The following SEM1 variants were observed in gnomAD, a reference collection of about 807,000 sequenced individuals.
The protein encoded by SEM1 is SEM1 26S proteasome subunit.
In SEM1, 3 loss-of-function variants were observed where a neutral mutation model predicts 12.7. The observed-to-expected ratio is 0.24, with a 90% CI of 0.11 to 0.61. The LOEUF is 0.61. Among genes scored for constraint, SEM1 ranks in the 20% least tolerant of loss-of-function variants. The pLI is 0.88. For missense variants in SEM1, 59 were observed against 81.3 expected (o/e 0.73, Z 1.06); for synonymous variants, 30 against 27.8 (o/e 1.08, Z -0.25).
rs571502857 is a variant in SEM1 at position 96,581,583 on chromosome 7, T to C, written c.171-74885A>G. Among the ~76,000 whole-genome samples, 273 of 152,350 alleles carry C rather than the reference T, an allele frequency of 1.8e-3. 1 individual carries two copies. The highest frequency in any genetic ancestry group is 6.4e-3 in the African/African-American group (265 of 41,580). ...GGGCAGTATGGCCATTTTCATGATA[T>C]TGATTCTTCCTACCCATGAGCATGG... On this transcript the variant is annotated intron_variant and NMD_transcript_variant, in intron 2 of 3. Transcript: ENST00000466986.
rs1009726965 is a variant in SEM1, at chr7:96,709,814, C to G, written c.-51G>C. On this transcript the variant is annotated 5_prime_UTR_variant, in exon 1 of 3. Transcript: ENST00000248566. ...CCAGATAAGCAGAAAAGTTGGAACC[C>G]TCACTCTTCCTCAAGGAAACGCCAC... 3.8e-6 allele frequency: 6 copies of G among 1,563,512 alleles called. No homozygotes were observed. Among genetic ancestry groups the G allele is most frequent in the Admixed American group, 1.7e-5 (1 of 59,624 alleles).
At chr7:96,703,365 T>C (rs1312965441) in intron 1 of SEM1, among the ~76,000 whole-genome samples, 2 of 152,232 alleles carry the variant, frequency 1.3e-5, no homozygotes, top group African/African-American at 2.4e-5. Context: ...TCAGGAGTGA[T>C]GGCCATCAGG....
chr7:96,518,650 G>A (rs1804172975), intron 2 of SEM1, among the ~76,000 whole-genome samples: 1 of 152,088 alleles, frequency 6.6e-6, no homozygotes, highest in Non-Finnish European at 1.5e-5. Flanking sequence ...AGTTTCCCAA[G>A]CAGACTGCCT....
chr7:96,532,636 C>G lies in SEM1; in HGVS notation c.171-25938G>C, dbSNP rs1231765203. 1.3e-5 allele frequency among the ~76,000 whole-genome samples: 2 copies of G among 152,082 alleles called. 1 individual carries two copies. The highest frequency in any genetic ancestry group is 4.8e-5 in the African/African-American group (2 of 41,434). ...CTTGCACCTGCATGAGGCTGTCTTC[C>G]ATAACATGCTTAGCCAGGGTGTAGT... is the stretch of plus-strand genomic sequence containing the variant. On this transcript the variant is annotated intron_variant and NMD_transcript_variant, in intron 2 of 3. Transcript: ENST00000466986.
intron 2 of SEM1, among the ~76,000 whole-genome samples, chr7:96,553,104 A>G (rs1030878604): frequency 2.2e-4 from 34 of 152,198 alleles, no homozygotes; most frequent in African/African-American, 8.2e-4. Flanking sequence ...AGCCCTTGTC[A>G]GATGAGTAGG....
At chr7:96,548,898 CTCAGAA>C (rs1805182348) in intron 2 of SEM1, among the ~76,000 whole-genome samples, 1 of 152,138 alleles carries the variant, frequency 6.6e-6, no homozygotes, top group Non-Finnish European at 1.5e-5. Flanking sequence ...ATGGGGTTTA[CTCAGAA>C]CCTTAGCACA....
chr7:96,496,959 G>A (rs570460023), upstream of SEM1, among the ~76,000 whole-genome samples: 17 of 151,850 alleles, frequency 1.1e-4, no homozygotes, highest in African/African-American at 3.9e-4. Flanking sequence ...GCATGTGTGC[G>A]TATTCTTCCT....
At chr7:96,522,172 A>C (rs1450715318) in intron 2 of SEM1, among the ~76,000 whole-genome samples, 1 of 152,134 alleles carries the variant, frequency 6.6e-6, no homozygotes, top group Non-Finnish European at 1.5e-5. Flanking sequence ...CATCACGTGT[A>C]GTTCCTGGGA....
Position 96,694,872 on chromosome 7 carries a change from T to G in SEM1, c.96A>C (p.Glu32Asp). The change falls in exon 2 of 3, where the codon GAA (glutamate) becomes GAC (aspartate). Residue 32 changes from glutamate (E) to aspartate (D), a missense_variant. Transcript: ENST00000248566. ...FPAEDWAGLD[E>D]DEDAHVWEDN... ...CCTCCCAGACATGTGCATCTTCATC[T>G]TCATCTAAGCCAGCCCAGTCTAAAA... is the stretch of plus-strand genomic sequence containing the variant. 1 of 1,609,492 alleles carries G rather than the reference T, an allele frequency of 6.2e-7. No individual in the cohort carries two copies. The highest frequency in any genetic ancestry group is 8.5e-7 in the Non-Finnish European group (1 of 1,176,382).
At chr7:96,692,943 G>C (rs868129452) in intron 2 of SEM1, among the ~76,000 whole-genome samples, 3 of 151,920 alleles carry the variant, frequency 2.0e-5, no homozygotes, top group South Asian at 4.1e-4. Context: ...TCAAAAATCA[G>C]TCAGCAATAT....
chr7:96,581,049 C>T (rs1167799161), intron 2 of SEM1, among the ~76,000 whole-genome samples: 1 of 152,178 alleles, frequency 6.6e-6, no homozygotes, highest in Admixed American at 6.5e-5. Context: ...TTGCCCATGC[C>T]TATGTCCTGA....
chr7:96,708,910 A>T (rs1790554497), intron 1 of SEM1, among the ~76,000 whole-genome samples: 1 of 152,132 alleles, frequency 6.6e-6, no homozygotes, highest in Non-Finnish European at 1.5e-5. Context: ...GCTATTATCT[A>T]CAATGAAAAA....
At chr7:96,628,915 C>A (rs979792288) in intron 2 of SEM1, among the ~76,000 whole-genome samples, 11 of 152,188 alleles carry the variant, frequency 7.2e-5, no homozygotes, top group Non-Finnish European at 1.6e-4. Context: ...ACCAGATACA[C>A]TAATCTAGGT....
intron 2 of SEM1, among the ~76,000 whole-genome samples, chr7:96,542,213 C>T (rs1215492733): frequency 6.6e-6 from 1 of 151,536 alleles, no homozygotes; most frequent in Non-Finnish European, 1.5e-5. Context: ...TTTAACAATA[C>T]TGATTCTTCC....
intron 2 of SEM1, among the ~76,000 whole-genome samples, chr7:96,667,774 T>C (rs1789209353): frequency 6.6e-6 from 1 of 152,186 alleles, no homozygotes; most frequent in African/African-American, 2.4e-5. Flanking sequence ...CGGCCTGAGC[T>C]TCCCCACAAT....
chr7:96,505,608 T>C (rs1803731801), intron 3 of SEM1, among the ~76,000 whole-genome samples: 1 of 152,160 alleles, frequency 6.6e-6, no homozygotes, highest in Non-Finnish European at 1.5e-5. Context: ...AAATACCATA[T>C]ACTGGGTGGA....
chr7:96,569,571 A>G (rs1454017778), intron 2 of SEM1, among the ~76,000 whole-genome samples: 1 of 152,054 alleles, frequency 6.6e-6, no homozygotes, highest in East Asian at 1.9e-4. Context: ...TCTTATAGAT[A>G]CAGGGGGTAC....
chr7:96,540,728 A>C (rs6943323), intron 2 of SEM1, among the ~76,000 whole-genome samples: 2 of 151,606 alleles, frequency 1.3e-5, no homozygotes, highest in African/African-American at 4.8e-5. Context: ...ACAGGTAGTG[A>C]ACATAGTAGG....
intron 2 of SEM1, among the ~76,000 whole-genome samples, chr7:96,583,332 AG>A (rs1459607965): frequency 1.0e-4 from 15 of 143,812 alleles, no homozygotes; most frequent in African/African-American, 3.9e-4. Flanking sequence ...CTGTGGTCTG[AG>A]AGATAGTTTG....
Sources: gnomAD v4.1 joint callset for allele counts (sites outside exome capture counted in the v4.1 genomes callset) on GRCh38, gnomAD v4.1.1 for gene constraint, MANE v1.5 for transcripts, NCBI Gene and HGNC (gene_info 2026-07-23, HGNC 2026-07-21) for gene names.